Variants in WDR7 observed in about 807,000 individuals in gnomAD.
The protein encoded by WDR7 is WD repeat domain 7, also known as WD repeat-containing protein 7.
WDR7 carries 46 observed loss-of-function variants against 169.4 expected under a neutral mutation model. The observed-to-expected ratio is 0.27, with a 90% CI of 0.21 to 0.35. The LOEUF (loss-of-function observed/expected upper bound fraction) is 0.35, where lower values mean the gene tolerates loss of function less well. Among genes scored for constraint, WDR7 ranks in the 10% least tolerant of loss-of-function variants. The pLI is 1.00. For synonymous variants in WDR7, 612 were observed against 666.8 expected (o/e 0.92, Z 1.27); for missense variants, 1,534 against 1,859.3 (o/e 0.83, Z 3.22).
At chr18:57,008,715 T>C (rs12717114) in intron 26 of WDR7, among the ~76,000 whole-genome samples, 125,056 of 152,140 alleles carry the variant, frequency 0.82, 51,847 homozygotes, top group East Asian at 0.88. Context: ...TCTGTGTTTC[T>C]GTGACATCTT....
intron 14 of WDR7, among the ~76,000 whole-genome samples, chr18:56,741,364 T>A (rs1390714522): frequency 6.6e-6 from 1 of 152,122 alleles, no homozygotes. Flanking sequence ...GTCATTTTTA[T>A]CTCCTTCTGA....
intron 16 of WDR7, among the ~76,000 whole-genome samples, chr18:56,772,386 G>A (rs922591413): frequency 6.6e-6 from 1 of 152,172 alleles, no homozygotes. Flanking sequence ...TGGTAACCAC[G>A]TGGCAGATAC....
intron 14 of WDR7, among the ~76,000 whole-genome samples, chr18:56,732,460 T>C (rs2026607681): frequency 6.6e-6 from 1 of 152,220 alleles, no homozygotes; most frequent in Non-Finnish European, 1.5e-5. Flanking sequence ...TGGTTAGACA[T>C]GTGAATAAAT....
At chr18:56,732,004 G>A (rs1027212789) in intron 14 of WDR7, among the ~76,000 whole-genome samples, 7 of 152,138 alleles carry the variant, frequency 4.6e-5, no homozygotes. Flanking sequence ...TTAAAATTAG[G>A]TTCTGATTTT....
chr18:56,736,883 G>A (rs1291409136), intron 14 of WDR7, among the ~76,000 whole-genome samples: 1 of 152,114 alleles, frequency 6.6e-6, no homozygotes, highest in African/African-American at 2.4e-5. Context: ...GTTGGTGGGA[G>A]GATAACAGGT....
At chr18:56,716,323 C>T (rs1194689857) in intron 12 of WDR7, among the ~76,000 whole-genome samples, 5 of 151,616 alleles carry the variant, frequency 3.3e-5, no homozygotes, top group Admixed American at 6.6e-5. Context: ...ACTATTTCTC[C>T]GAACTTAGTT....
chr18:56,713,948 ATTAT>A (rs1330399659), intron 12 of WDR7, among the ~76,000 whole-genome samples: 2 of 152,210 alleles, frequency 1.3e-5, no homozygotes, highest in Non-Finnish European at 2.9e-5. Flanking sequence ...AAAGCTGAGA[ATTAT>A]TTATTATTAC....
chr18:56,850,814 G>A (rs957466325), intron 20 of WDR7, among the ~76,000 whole-genome samples: 1 of 152,096 alleles, frequency 6.6e-6, no homozygotes, highest in African/African-American at 2.4e-5. Context: ...TGCCTAGCTT[G>A]AACTGACTCT....
chr18:56,708,559 G>A (rs1176447010), intron 12 of WDR7, among the ~76,000 whole-genome samples: 4 of 152,170 alleles, frequency 2.6e-5, no homozygotes, highest in Admixed American at 2.0e-4. Context: ...CCCAAGGTTT[G>A]TGGGCATGGA....
intron 13 of WDR7, chr18:56,721,592 CT>C (rs2026322630): frequency 6.6e-6 from 1 of 152,242 alleles, no homozygotes; most frequent in Admixed American, 6.5e-5. Context: ...AGGTGGGTCA[CT>C]GACCTAGGTG....
chr18:57,034,823 T>A, the WDR7 span: 1 of 151,818 alleles, frequency 6.6e-6, no homozygotes, highest in Non-Finnish European at 1.5e-5. Context: ...AGAGAGAAAG[T>A]CTCTCTGAGA....
intron 26 of WDR7, among the ~76,000 whole-genome samples, chr18:57,010,622 A>G (rs1216801338): frequency 6.6e-6 from 1 of 152,206 alleles, no homozygotes; most frequent in Non-Finnish European, 1.5e-5. Context: ...TTTTCAAAGT[A>G]TGATTCTATA....
chr18:57,034,298 G>A, downstream of WDR7: 1 of 152,208 alleles, frequency 6.6e-6, no homozygotes, highest in East Asian at 1.9e-4. Flanking sequence ...ACTCCCTTGA[G>A]CATTGACTGA....
At chr18:56,999,559 GCTAT>G (rs1469153119) in intron 26 of WDR7, among the ~76,000 whole-genome samples, 4 of 152,004 alleles carry the variant, frequency 2.6e-5, no homozygotes, top group Non-Finnish European at 4.4e-5. Context: ...ATTAGTCTGG[GCTAT>G]CTAAGTCCTT....
chr18:56,973,521 G>A (rs1599209052), intron 26 of WDR7, among the ~76,000 whole-genome samples: 1 of 151,294 alleles, frequency 6.6e-6, no homozygotes, highest in Admixed American at 6.6e-5. Flanking sequence ...CCTATATATA[G>A]TCCACAAAAT....
At chr18:57,034,448 A>G (rs1378097294), downstream of WDR7, 1 of 152,166 alleles carries the variant, frequency 6.6e-6, no homozygotes, top group Non-Finnish European at 1.5e-5. Context: ...TGCATCCCAA[A>G]GAACCCACCA....
intron 11 of WDR7, 40 bp from the exon 12 acceptor site, chr18:56,696,202 C>G: frequency 6.5e-7 from 1 of 1,526,802 alleles, no homozygotes. Flanking sequence ...CTTGGTAAAC[C>G]TTTAATTTTC....
intron 13 of WDR7, among the ~76,000 whole-genome samples, chr18:56,724,104 C>T (rs751216292): frequency 1.3e-5 from 2 of 149,942 alleles, no homozygotes; most frequent in African/African-American, 2.4e-5. Context: ...CTTTTAATGC[C>T]GTTGTCTTCA....
chr18:56,671,292 T>G (rs1471713861), intron 1 of WDR7, among the ~76,000 whole-genome samples: 1 of 4,416 alleles, frequency 2.3e-4, no homozygotes, highest in African/African-American at 2.3e-4. Context: ...GAGCAAAGTG[T>G]TTTTTTTTTT....
Sources: allele counts gnomAD v4.1 joint callset (sites outside exome capture counted in the v4.1 genomes callset), GRCh38; gene constraint gnomAD v4.1.1; transcripts MANE v1.5; gene names NCBI Gene and HGNC (gene_info 2026-07-23, HGNC 2026-07-21).